ARL8A: variants seen among roughly 807,000 people sequenced by gnomAD.
ARL8A encodes the protein ARF like GTPase 8A, also known as ADP-ribosylation factor-like protein 8A.
Under a neutral mutation model 31.2 loss-of-function variants are expected in ARL8A, and 10 were observed. The ratio of observed to expected loss-of-function variants is 0.32; its 90% CI spans 0.20 to 0.54. The LOEUF (loss-of-function observed/expected upper bound fraction) is 0.54. Among genes scored for constraint, ARL8A ranks in the 20% least tolerant of loss-of-function variants. The pLI, the probability that ARL8A is intolerant of heterozygous loss-of-function variation, is 0.93. For synonymous variants in ARL8A, 70 were observed against 86.9 expected, an observed-to-expected ratio of 0.81 and a Z score of 1.08; for missense variants, 129 against 242.8, an observed-to-expected ratio of 0.53 and a Z score of 3.12.
chr1:202,143,057 G>C (rs1451613883), intron 1 of ARL8A, among the ~76,000 whole-genome samples: 16 of 152,200 alleles, frequency 1.1e-4, no homozygotes. Context: ...GGCAGACAGA[G>C]CCCAGGGGTG....
rs765856562 is a variant in ARL8A, at chr1:202,138,360, G to A, written c.204+8C>T. 1 of 1,611,122 alleles carries A rather than the reference G, an allele frequency of 6.2e-7. No individual in the cohort carries two copies. Among genetic ancestry groups the A allele is most frequent in the Non-Finnish European group, 8.5e-7 (1 of 1,177,890 alleles). On this transcript the variant is annotated splice_region_variant and intron_variant, in intron 2 of 6. Transcript: ENST00000272217. This position sits in a 1 kb window ranked among gnomAD's most constrained non-coding sequence, Gnocchi z 4.4. ...TCCTCTGCACCCCCCAAGCTTCTGG[G>A]CCCTCACCTTGATAGTCACATTCCC...
At position 202,134,345 on chromosome 1, in the gene ARL8A, G is replaced by A; in HGVS notation, c.*122C>T. The stretch of plus-strand genomic sequence containing the variant: ...GCAGAACAGGACTCTGGGGTCCCCA[G>A]AGGGCCCTCCTCACACTGGGTGAGG... On this transcript the variant is annotated 3_prime_UTR_variant, in exon 7 of 7. Coordinates refer to ENST00000272217, the MANE Select transcript of ARL8A (RefSeq NM_138795.4). The surrounding 1 kb of genome is among the most constrained non-coding windows in gnomAD (Gnocchi z 4.2). 2 of 945,714 alleles carry A rather than the reference G, an allele frequency of 2.1e-6. No homozygotes were observed. The highest frequency in any genetic ancestry group is 3.3e-6 in the Non-Finnish European group (2 of 600,296). The allele number at this position is 945,714 out of a possible 1,614,324, so 58.6% of individuals were successfully genotyped here. A position where few individuals can be genotyped will look rare whatever the true frequency, so the allele number is the denominator to read the frequency against.
In ARL8A at chr1:202,135,348, G is replaced by A; in HGVS notation, c.440+111C>T. On this transcript the variant is annotated intron_variant, in intron 5 of 6. Transcript: ENST00000272217. The surrounding 1 kb of genome is among the most constrained non-coding windows in gnomAD (Gnocchi z 5.3). ...GAGGGTGAGGTGCCTGAAAAGGTCG[G>A]CTCTGCTGCCACCGTGTGGCTAATA... 3.4e-6 allele frequency: 5 copies of A among 1,483,666 alleles called. No homozygotes were observed. Among genetic ancestry groups the A allele is most frequent in the Non-Finnish European group, 4.7e-6 (5 of 1,062,454 alleles). The allele number at this position is 1,483,666 out of a possible 1,614,324, so 91.9% of individuals were successfully genotyped here.
At chr1:202,143,237 C>T (rs1205625263) in intron 1 of ARL8A, among the ~76,000 whole-genome samples, 6 of 152,178 alleles carry the variant, frequency 3.9e-5, no homozygotes, top group African/African-American at 1.4e-4. Flanking sequence ...GCCCGCCCCT[C>T]GAGCTTTCCA....
Position 202,141,684 on chromosome 1 carries a change from A to G in ARL8A, c.123+2766T>C, listed in dbSNP as rs145992642. The stretch of plus-strand genomic sequence containing the variant: ...AAAGAAAAAAAAGAAAAAAAAATCT[A>G]TCATTCCTAGAATGTCCACCCATTG... On this transcript the variant is annotated intron_variant, in intron 1 of 6. Transcript: ENST00000272217. Among the ~76,000 whole-genome samples the G allele has an allele frequency of 3.7e-3, 567 of 151,922 alleles. 2 individuals carry two copies. Among genetic ancestry groups the G allele is most frequent in the Non-Finnish European group, 6.6e-3 (449 of 67,972 alleles).
At position 202,135,941 on chromosome 1, in the gene ARL8A, G is replaced by T; in HGVS notation, c.279-141C>A. 1.4e-6 allele frequency: 1 copy of T among 735,094 alleles called. No individual in the cohort carries two copies. Among genetic ancestry groups the T allele is most frequent in the Non-Finnish European group, 2.4e-6 (1 of 423,416 alleles). The allele number at this position is 735,094 out of a possible 1,614,324, so 45.5% of individuals were successfully genotyped here. Reference sequence around the variant, plus strand: ...CGGGATCCATGGGCTACCTGGCCTGGCTCAAGGCAGGTGCTCCGCGGATGT... The same window carrying T: ...CGGGATCCATGGGCTACCTGGCCTGTCTCAAGGCAGGTGCTCCGCGGATGT... On this transcript the variant is annotated intron_variant, in intron 3 of 6. Coordinates refer to ENST00000272217, the MANE Select transcript of ARL8A (RefSeq NM_138795.4). The surrounding 1 kb of genome is among the most constrained non-coding windows in gnomAD (Gnocchi z 5.3).
chr1:202,137,065 C>T (rs894078790), intron 3 of ARL8A, among the ~76,000 whole-genome samples: 6 of 151,916 alleles, frequency 3.9e-5, no homozygotes, highest in Admixed American at 3.9e-4. Flanking sequence ...ACTGTGTTAG[C>T]CAGGATGGTC....
intron 1 of ARL8A, among the ~76,000 whole-genome samples, chr1:202,139,099 G>A (rs1320611585): frequency 1.3e-5 from 2 of 152,184 alleles, no homozygotes; most frequent in East Asian, 3.8e-4. Context: ...AATGTTTGCT[G>A]AATACTGGGG....
chr1:202,139,823 T>A (rs901551427), intron 1 of ARL8A, among the ~76,000 whole-genome samples: 12 of 151,216 alleles, frequency 7.9e-5, no homozygotes, highest in Non-Finnish European at 1.6e-4. Flanking sequence ...AATTTTTGTA[T>A]TTTTAGTAGA....
Position 202,144,221 on chromosome 1 carries a change from C to A in ARL8A, c.123+229G>T, listed in dbSNP as rs1353239208. Among the ~76,000 whole-genome samples the A allele has an allele frequency of 6.6e-6, 1 of 152,050 alleles. No individual in the cohort carries two copies. Among genetic ancestry groups the A allele is most frequent in the East Asian group, 1.9e-4 (1 of 5,142 alleles). ...TTCGTCCCCCTTCCCCTGCCCCCAG[C>A]CGTGCAGTACCGGCCCGGGTGAGAG... On this transcript the variant is annotated intron_variant, in intron 1 of 6. Transcript: ENST00000272217. The surrounding 1 kb of genome is among the most constrained non-coding windows in gnomAD (Gnocchi z 5.2).
Position 202,138,349 on chromosome 1 carries a change from C to T in ARL8A, c.204+19G>A, listed in dbSNP as rs371713019. On this transcript the variant is annotated intron_variant, in intron 2 of 6. Transcript: ENST00000272217. The surrounding 1 kb of genome is among the most constrained non-coding windows in gnomAD (Gnocchi z 4.4). ...CACAAAAACAGTCCTCTGCACCCCC[C>T]AAGCTTCTGGGCCCTCACCTTGATA... is the stretch of plus-strand genomic sequence containing the variant. 74 of 1,607,424 alleles carry T rather than the reference C, an allele frequency of 4.6e-5. 1 individual carries two copies. The highest frequency in any genetic ancestry group is 6.0e-5 in the Non-Finnish European group (71 of 1,175,020).
chr1:202,135,719 C>T lies in ARL8A; in HGVS notation c.360G>A (p.Leu120=). 1.2e-6 allele frequency: 2 copies of T among 1,614,042 alleles called. No individual in the cohort carries two copies. ...ELHNLLDKPQ[L]QGIPVLVLGN... The stretch of plus-strand genomic sequence containing the variant: ...CAGGTCTGCTGACCGGGATGCCCTG[C>T]AGCTGAGGTTTGTCCAGTAGGTTGT... Residue 120 remains leucine, a synonymous_variant, in exon 4 of 7, where the codon CTG becomes CTA. Coordinates refer to ENST00000272217, the MANE Select transcript of ARL8A (RefSeq NM_138795.4). This position sits in a 1 kb window ranked among gnomAD's most constrained non-coding sequence, Gnocchi z 5.3.
chr1:202,139,761 C>T (rs547739311), intron 1 of ARL8A, among the ~76,000 whole-genome samples: 1 of 147,612 alleles, frequency 6.8e-6, no homozygotes, highest in South Asian at 2.3e-4. Flanking sequence ...GGGTCTCCTG[C>T]CTCAGCCTCC....
At chr1:202,143,778 C>T (rs1249843564) in intron 1 of ARL8A, among the ~76,000 whole-genome samples, 3 of 152,238 alleles carry the variant, frequency 2.0e-5, no homozygotes, top group Admixed American at 6.5e-5. Flanking sequence ...CTGCAAACTT[C>T]TGAGCCAGAC....
At position 202,144,567 on chromosome 1, in the gene ARL8A, G is replaced by A. The variant is rs1304274513; in HGVS notation, c.6C>T (p.Ile2=). 7.0e-7 allele frequency: 1 copy of A among 1,429,906 alleles called. No homozygotes were observed. The highest frequency in any genetic ancestry group is 9.3e-7 in the Non-Finnish European group (1 of 1,070,654). The allele number at this position is 1,429,906 out of a possible 1,614,324, so 88.6% of individuals were successfully genotyped here. The part of the protein sequence containing the change: M[I]ALFNKLLDWF... ...AGTCCAGCAGCTTGTTGAACAAAGC[G>A]ATCATGGTCGCTGCCGCCGGCCCCG... The change falls in exon 1 of 7, where the codon ATC becomes ATT. Residue 2 remains isoleucine (I), a synonymous_variant. Coordinates refer to ENST00000272217, the MANE Select transcript of ARL8A (RefSeq NM_138795.4). The surrounding 1 kb of genome is among the most constrained non-coding windows in gnomAD (Gnocchi z 5.2).
In ARL8A at chr1:202,138,145, C is replaced by T. The variant is rs764351219; in HGVS notation, c.205-107G>A. On this transcript the variant is annotated intron_variant, in intron 2 of 6. Coordinates refer to ENST00000272217, the MANE Select transcript of ARL8A (RefSeq NM_138795.4). This position sits in a 1 kb window ranked among gnomAD's most constrained non-coding sequence, Gnocchi z 4.4. The stretch of plus-strand genomic sequence containing the variant: ...CCTGCCCTACTCTCCTCTGCCTCCC[C>T]GGCTTCCTCTCCAGTTCTCCCCCGT... The T allele has an allele frequency of 8.2e-6, 11 of 1,340,336 alleles. No individual in the cohort carries two copies. The highest frequency in any genetic ancestry group is 2.2e-4 in the Middle Eastern group (1 of 4,562). The allele number at this position is 1,340,336 out of a possible 1,614,324, so 83.0% of individuals were successfully genotyped here. A position where few individuals can be genotyped will look rare whatever the true frequency, so the allele number is the denominator to read the frequency against.
chr1:202,139,049 T>C lies in ARL8A; in HGVS notation c.124-601A>G, dbSNP rs1655093351. Reference sequence around the variant, plus strand: ...GTGTCTCCTCACTAGAAAGAACACTTCCTGGGAGAGGACCCAGGTCTATAG... The same window carrying C: ...GTGTCTCCTCACTAGAAAGAACACTCCCTGGGAGAGGACCCAGGTCTATAG... On this transcript the variant is annotated intron_variant, in intron 1 of 6. Coordinates refer to ENST00000272217, the MANE Select transcript of ARL8A (RefSeq NM_138795.4). Among the ~76,000 whole-genome samples the C allele has an allele frequency of 2.0e-5, 3 of 152,210 alleles. No homozygotes were observed. In the South Asian group the frequency reaches 6.2e-4, roughly 31 times the overall value.
At position 202,144,628 on chromosome 1, in the gene ARL8A, C is replaced by T. The variant is rs998228017; in HGVS notation, c.-56G>A. ...GGTCCCCGCCGCCCCTCGCTGCCCT[C>T]GCGCTGCGGCCCGGAGCGGCCCCTC... On this transcript the variant is annotated 5_prime_UTR_variant, in exon 1 of 7. Transcript: ENST00000272217. The surrounding 1 kb of genome is among the most constrained non-coding windows in gnomAD (Gnocchi z 5.2). 2 of 1,311,464 alleles carry T rather than the reference C, an allele frequency of 1.5e-6. No individual in the cohort carries two copies. Among genetic ancestry groups the T allele is most frequent in the South Asian group, 1.4e-5 (1 of 71,542 alleles). 81.2% of individuals were successfully genotyped at this position (1,311,464 alleles called of 1,614,324 possible).
intron 3 of ARL8A, among the ~76,000 whole-genome samples, chr1:202,136,142 T>C (rs1654998680): frequency 6.6e-6 from 1 of 152,098 alleles, no homozygotes; most frequent in Non-Finnish European, 1.5e-5. Context: ...TAAATAAGGT[T>C]AGAGTGAAAA....
Sources: allele counts gnomAD v4.1 joint callset (sites outside exome capture counted in the v4.1 genomes callset), GRCh38; gene constraint gnomAD v4.1.1; non-coding constraint Gnocchi (gnomAD v3.1); transcripts MANE v1.5; gene names NCBI Gene and HGNC (gene_info 2026-07-23, HGNC 2026-07-21).